The following C11orf65 variants were observed in gnomAD, a reference collection of about 807,000 sequenced individuals.
C11orf65 encodes the protein protein MFI.
In C11orf65, 38 loss-of-function variants were observed where a neutral mutation model predicts 35.3. The observed-to-expected ratio is 1.08, with a 90% CI of 0.83 to 1.41. C11orf65 has a LOEUF of 1.41. Among genes scored for constraint, C11orf65 ranks in the 40% most tolerant of loss-of-function variants. The pLI is 0.00. For missense variants in C11orf65, 370 were observed against 367.1 expected, an observed-to-expected ratio of 1.01 and a Z score of -0.06; for synonymous variants, 105 against 114.4, an observed-to-expected ratio of 0.92 and a Z score of 0.53.
In C11orf65 at chr11:108,417,477, AG is replaced by A. The variant is rs551148761; in HGVS notation, c.175-10329del. The stretch of plus-strand genomic sequence containing the variant: ...AAGAATGCTTGAACCCGGGAGGTGG[AG>A]GTTGCAGTGAGCTGAGATAGATAGT... On this transcript the variant is annotated intron_variant, in intron 3 of 8. Transcript: ENST00000393084. 2.0e-4 allele frequency among the ~76,000 whole-genome samples: 30 copies of A among 152,014 alleles called. 1 individual carries two copies. In the East Asian group the frequency reaches 4.8e-3, roughly 25 times the overall value.
intron 2 of C11orf65, among the ~76,000 whole-genome samples, chr11:108,370,401 T>C (rs1314105584): frequency 6.6e-6 from 1 of 152,020 alleles, no homozygotes; most frequent in African/African-American, 2.4e-5. Context: ...ATGTATATAA[T>C]CATATCATCT....
intron 6 of C11orf65, among the ~76,000 whole-genome samples, chr11:108,322,223 C>T (rs988479552): frequency 1.3e-5 from 2 of 152,072 alleles, no homozygotes; most frequent in African/African-American, 2.4e-5. Flanking sequence ...GGTATAATCT[C>T]AGCTCACTGC....
At chr11:108,456,068 T>C (rs1462419244) in intron 2 of C11orf65, among the ~76,000 whole-genome samples, 8 of 152,058 alleles carry the variant, frequency 5.3e-5, no homozygotes, top group Admixed American at 3.3e-4. Context: ...GGCAGGAGAA[T>C]TGCTTGAACC....
At chr11:108,379,588 G>A (rs1044309712), downstream of C11orf65, among the ~76,000 whole-genome samples, 11 of 151,124 alleles carry the variant, frequency 7.3e-5, no homozygotes, top group African/African-American at 2.2e-4. Context: ...TAACTAATTC[G>A]CACATTGTGC....
At chr11:108,410,110 G>T (rs573535275) in intron 3 of C11orf65, among the ~76,000 whole-genome samples, 1 of 152,282 alleles carries the variant, frequency 6.6e-6, no homozygotes, top group African/African-American at 2.4e-5. Flanking sequence ...TCTGTAATTT[G>T]CTGTACTAGT....
In C11orf65 at chr11:108,407,808, T is replaced by C. The variant is rs544595696; in HGVS notation, c.175-659A>G. 2.7e-5 allele frequency among the ~76,000 whole-genome samples: 4 copies of C among 150,780 alleles called. No homozygotes were observed. The East Asian group carries it at 7.9e-4, about 30-fold the overall frequency. On this transcript the variant is annotated intron_variant, in intron 3 of 8. Transcript: ENST00000393084. Reference sequence around the variant, plus strand: ...TTAGCTAGGCATGGTGGCAGGCACCTGTAGTCTCAGCTACTCAGGAGGCTG... The same window carrying C: ...TTAGCTAGGCATGGTGGCAGGCACCCGTAGTCTCAGCTACTCAGGAGGCTG...
Position 108,333,902 on chromosome 11 carries a change from A to T in C11orf65, c.299+1318T>A. On this transcript the variant is annotated intron_variant, in intron 3 of 3. Coordinates refer to the C11orf65 transcript ENST00000524755. ...TAAATACAGAAGGCATAAATATTCCAGCAGACCAGCCAATTACTAAACTTA... is the reference window on the plus strand; with the variant it reads ...TAAATACAGAAGGCATAAATATTCCTGCAGACCAGCCAATTACTAAACTTA... 6.2e-7 allele frequency: 1 copy of T among 1,609,854 alleles called. No homozygotes were observed.
At chr11:108,386,867 G>C (rs1032029833) in intron 7 of C11orf65, among the ~76,000 whole-genome samples, 1 of 152,038 alleles carries the variant, frequency 6.6e-6, no homozygotes, top group South Asian at 2.1e-4. Flanking sequence ...GGATCACAAG[G>C]TCAGGAGATC....
In C11orf65 at chr11:108,449,060, G is replaced by A. The variant is rs573753474; in HGVS notation, c.81+12419C>T. ...TTGCTTCAAAGAGAATAAAATACCT[G>A]GGAATCCAACTTACAAGGGATGTGA... On this transcript the variant is annotated intron_variant, in intron 2 of 8. Transcript: ENST00000393084. Among the ~76,000 whole-genome samples, 270 of 152,048 alleles carry A rather than the reference G, an allele frequency of 1.8e-3. 1 individual carries two copies. Among genetic ancestry groups the A allele is most frequent in the African/African-American group, 6.1e-3 (253 of 41,490 alleles).
At chr11:108,335,059 A>G in intron 3 of C11orf65, 1 of 1,614,138 alleles carries the variant, frequency 6.2e-7, no homozygotes, top group Non-Finnish European at 8.5e-7. Context: ...TTTACCAAAA[A>G]TAATAGATTG....
intron 2 of C11orf65, among the ~76,000 whole-genome samples, chr11:108,440,659 C>A (rs1470557274): frequency 6.6e-6 from 1 of 152,180 alleles, no homozygotes; most frequent in Non-Finnish European, 1.5e-5. Context: ...AGTTTCAGGG[C>A]AGTTATCCTT....
chr11:108,317,412 T>C (rs1064795467), intron 6 of C11orf65: 1 of 1,612,600 alleles, frequency 6.2e-7, no homozygotes, highest in Non-Finnish European at 8.5e-7. Flanking sequence ...TCTTTCCGTC[T>C]ATTTAAAAGG....
chr11:108,377,518 A>G (rs975686005), intron 2 of C11orf65, among the ~76,000 whole-genome samples: 68 of 152,214 alleles, frequency 4.5e-4, no homozygotes, highest in African/African-American at 1.5e-3. Context: ...TCCCACAGCC[A>G]ATATCATACT....
intron 2 of C11orf65, among the ~76,000 whole-genome samples, chr11:108,441,360 A>T (rs2093150999): frequency 6.6e-6 from 1 of 152,232 alleles, no homozygotes; most frequent in Non-Finnish European, 1.5e-5. Context: ...CAGTTCAAGG[A>T]GGCCTGCCTG....
chr11:108,345,455 G>C (rs930468731), intron 2 of C11orf65, among the ~76,000 whole-genome samples: 2 of 152,148 alleles, frequency 1.3e-5, no homozygotes, highest in Non-Finnish European at 2.9e-5. Context: ...AGGCATTTCT[G>C]TGTTTATTTC....
chr11:108,393,622 G>A (rs978646975), intron 6 of C11orf65, among the ~76,000 whole-genome samples: 11 of 152,180 alleles, frequency 7.2e-5, no homozygotes, highest in Admixed American at 1.3e-4. Flanking sequence ...TTTATGATAC[G>A]AAGAAAAACT....
At chr11:108,359,807 G>A (rs1334151027) in intron 2 of C11orf65, among the ~76,000 whole-genome samples, 3 of 151,928 alleles carry the variant, frequency 2.0e-5, no homozygotes, top group Admixed American at 2.0e-4. Context: ...GTGTGTAGAG[G>A]GAAATTTATA....
chr11:108,428,435 G>A (rs1420091466), intron 3 of C11orf65, among the ~76,000 whole-genome samples: 1 of 152,172 alleles, frequency 6.6e-6, no homozygotes, highest in Non-Finnish European at 1.5e-5. Flanking sequence ...TGACAGACTG[G>A]ATAAAGAAAA....
At chr11:108,330,773 T>C (rs189617731), downstream of C11orf65, among the ~76,000 whole-genome samples, 1 of 152,308 alleles carries the variant, frequency 6.6e-6, no homozygotes, top group East Asian at 1.9e-4. Flanking sequence ...CAGTTAAAGA[T>C]GATGTGATCA....
Sources: gnomAD v4.1 joint callset for allele counts (sites outside exome capture counted in the v4.1 genomes callset) on GRCh38, gnomAD v4.1.1 for gene constraint, MANE v1.5 for transcripts, NCBI Gene and HGNC (gene_info 2026-07-23, HGNC 2026-07-21) for gene names.